The following SKIC3 variants were observed in gnomAD, a reference collection of about 807,000 sequenced individuals.
The protein encoded by SKIC3 is SKI3 subunit of superkiller complex.
chr5:95,506,980 G>C, the SKIC3 span: 2 of 1,612,370 alleles, frequency 1.2e-6, no homozygotes, highest in East Asian at 4.5e-5. Flanking sequence ...TAAGTATCTT[G>C]GTCTTCTGCA....
the SKIC3 span, among the ~76,000 whole-genome samples, chr5:95,546,716 C>T: frequency 6.6e-6 from 1 of 152,150 alleles, no homozygotes; most frequent in Non-Finnish European, 1.5e-5. Flanking sequence ...TAATCTTGGT[C>T]CTCTCATCCA....
the SKIC3 span, chr5:95,470,029 T>C: frequency 2.5e-6 from 3 of 1,216,428 alleles, no homozygotes; most frequent in Non-Finnish European, 3.4e-6. Context: ...CAGCCTGGAG[T>C]GCAGTGGCGC....
the SKIC3 span, among the ~76,000 whole-genome samples, chr5:95,507,178 T>C: frequency 2.0e-5 from 3 of 152,240 alleles, no homozygotes; most frequent in African/African-American, 7.2e-5. Flanking sequence ...AAAGCACTTA[T>C]ATATATTTAG....
the SKIC3 span, among the ~76,000 whole-genome samples, chr5:95,532,397 G>A: frequency 6.6e-6 from 1 of 152,010 alleles, no homozygotes; most frequent in Non-Finnish European, 1.5e-5. Context: ...TTCGGCCCTG[G>A]GTAACAATTC....
At chr5:95,484,231 T>G in the SKIC3 span, among the ~76,000 whole-genome samples, 2 of 152,088 alleles carry the variant, frequency 1.3e-5, no homozygotes, top group Non-Finnish European at 2.9e-5. Context: ...TACAAAATGC[T>G]AAATGCAGTG....
At chr5:95,526,116 T>A in the SKIC3 span, among the ~76,000 whole-genome samples, 249 of 152,262 alleles carry the variant, frequency 1.6e-3, 2 homozygotes, top group African/African-American at 5.8e-3. Flanking sequence ...AAAAACAACA[T>A]CCTTAACACT....
At chr5:95,468,034 CATAAG>C in the SKIC3 span, 1 of 1,607,776 alleles carries the variant, frequency 6.2e-7, no homozygotes, top group South Asian at 1.1e-5. Context: ...TGCAAATTAC[CATAAG>C]ATATTTCCTA....
At chr5:95,523,743 C>G in the SKIC3 span, 1 of 1,613,682 alleles carries the variant, frequency 6.2e-7, no homozygotes, top group Non-Finnish European at 8.5e-7. Context: ...CCTATAACAT[C>G]CACGAGCTCT....
At chr5:95,547,161 C>T in the SKIC3 span, 1 of 1,611,742 alleles carries the variant, frequency 6.2e-7, no homozygotes, top group Non-Finnish European at 8.5e-7. Context: ...TCTGTCAAGG[C>T]AGAAAGCCTG....
At chr5:95,529,354 T>A in the SKIC3 span, 1 of 532,474 alleles carries the variant, frequency 1.9e-6, no homozygotes, top group African/African-American at 1.9e-5. Context: ...CAATGCATTC[T>A]TTACACTGTA....
chr5:95,506,411 A>G, the SKIC3 span, among the ~76,000 whole-genome samples: 1 of 152,166 alleles, frequency 6.6e-6, no homozygotes, highest in Non-Finnish European at 1.5e-5. Context: ...CAATACTTCT[A>G]TTCTCTGGTC....
At chr5:95,535,012 C>T in the SKIC3 span, among the ~76,000 whole-genome samples, 3 of 152,120 alleles carry the variant, frequency 2.0e-5, no homozygotes, top group Admixed American at 6.6e-5. Context: ...TTTTGTCTCT[C>T]CGTCTAAGAA....
At chr5:95,517,082 T>A in the SKIC3 span, 1 of 1,613,598 alleles carries the variant, frequency 6.2e-7, no homozygotes, top group Non-Finnish European at 8.5e-7. Flanking sequence ...TAAAAGTGAA[T>A]GTTTTTTGTT....
At chr5:95,544,712 C>T in the SKIC3 span, among the ~76,000 whole-genome samples, 1 of 152,156 alleles carries the variant, frequency 6.6e-6, no homozygotes, top group East Asian at 1.9e-4. Context: ...CCATACTCAA[C>T]CAGCAATTAG....
the SKIC3 span, chr5:95,520,682 A>T: frequency 3.9e-6 from 6 of 1,539,336 alleles, no homozygotes; most frequent in Non-Finnish European, 5.3e-6. Context: ...TAATATTACA[A>T]AAATAAACAA....
the SKIC3 span, chr5:95,494,666 T>C: frequency 2.0e-5 from 32 of 1,608,508 alleles, no homozygotes; most frequent in Non-Finnish European, 2.4e-5. Context: ...ATTAATGAAA[T>C]AGATATTATA....
chr5:95,485,206 A>C, the SKIC3 span, among the ~76,000 whole-genome samples: 1 of 152,306 alleles, frequency 6.6e-6, no homozygotes, highest in South Asian at 2.1e-4. Context: ...GTGAACCATC[A>C]CCACAACCAT....
the SKIC3 span, among the ~76,000 whole-genome samples, chr5:95,496,993 A>G: frequency 6.6e-6 from 1 of 152,150 alleles, no homozygotes; most frequent in Non-Finnish European, 1.5e-5. Context: ...TTATAATTAC[A>G]TTTTTGTATA....
At chr5:95,516,661 T>C in the SKIC3 span, 2 of 1,613,342 alleles carry the variant, frequency 1.2e-6, no homozygotes, top group Non-Finnish European at 1.7e-6. Flanking sequence ...GAAGTGTTAC[T>C]CAATTCTCAC....
Sources: gnomAD v4.1 joint callset for allele counts (sites outside exome capture counted in the v4.1 genomes callset) on GRCh38, gnomAD v4.1.1 for gene constraint, MANE v1.5 for transcripts, NCBI Gene and HGNC (gene_info 2026-07-23, HGNC 2026-07-21) for gene names.